PDHX: variants seen among roughly 807,000 people sequenced by gnomAD.
PDHX encodes the protein pyruvate dehydrogenase protein X component, mitochondrial.
PDHX carries 33 observed loss-of-function variants against 55.3 expected under a neutral mutation model. The observed-to-expected ratio is 0.60, with a 90% CI of 0.45 to 0.80. The LOEUF (loss-of-function observed/expected upper bound fraction) is 0.80, where lower values mean the gene tolerates loss of function less well. Among genes scored for constraint, PDHX ranks in the 30% least tolerant of loss-of-function variants. PDHX has a pLI of 0.00. For missense variants in PDHX, 622 were observed against 619.9 expected, an observed-to-expected ratio of 1.00 and a Z score of -0.04; for synonymous variants, 226 against 219.4, an observed-to-expected ratio of 1.03 and a Z score of -0.27.
At chr11:34,937,199 C>T (rs1430145624) in intron 2 of PDHX, among the ~76,000 whole-genome samples, 4 of 152,160 alleles carry the variant, frequency 2.6e-5, no homozygotes, top group African/African-American at 9.7e-5. Flanking sequence ...AAAGTAGCCT[C>T]CTTTTCCTGC....
chr11:34,929,296 T>C (rs191601054), intron 1 of PDHX, among the ~76,000 whole-genome samples: 5 of 152,322 alleles, frequency 3.3e-5, no homozygotes, highest in Admixed American at 6.5e-5. Context: ...AGTGCAGTGA[T>C]CTTGGCTCAC....
chr11:34,969,635 G>A (rs1018685614), intron 6 of PDHX, among the ~76,000 whole-genome samples: 10 of 151,996 alleles, frequency 6.6e-5, no homozygotes, highest in Admixed American at 2.6e-4. Context: ...GTGAGCCACC[G>A]TGCCCAGCCC....
At chr11:34,954,874 G>A (rs778336432) in intron 3 of PDHX, among the ~76,000 whole-genome samples, 24 of 152,148 alleles carry the variant, frequency 1.6e-4, no homozygotes, top group Non-Finnish European at 3.2e-4. Flanking sequence ...AACAAGCATG[G>A]TGAGATAAGG....
chr11:34,976,501 T>C (rs1450175558), intron 7 of PDHX, among the ~76,000 whole-genome samples: 1 of 152,194 alleles, frequency 6.6e-6, no homozygotes, highest in African/African-American at 2.4e-5. Context: ...AGAAGTTGGA[T>C]ATACAAGTCT....
intron 9 of PDHX, 139 bp downstream of exon 9, chr11:34,984,867 T>C (rs1855607262): frequency 1.6e-5 from 13 of 812,706 alleles, no homozygotes; most frequent in Non-Finnish European, 2.7e-5. Context: ...ATCAAGTGAT[T>C]GTCACATATA....
chr11:34,970,889 TTTGG>T (rs1855243743), intron 7 of PDHX, among the ~76,000 whole-genome samples: 1 of 152,312 alleles, frequency 6.6e-6, no homozygotes, highest in East Asian at 1.9e-4. Flanking sequence ...AGTACTATAA[TTTGG>T]TTGGTTAGTT....
chr11:34,967,388 A>G (rs752985296), intron 6 of PDHX, among the ~76,000 whole-genome samples: 61 of 152,354 alleles, frequency 4.0e-4, no homozygotes, highest in Middle Eastern at 3.4e-3. Context: ...AAGTTACCAC[A>G]AGTTCCACAA....
chr11:34,979,117 G>A (rs904627949), intron 8 of PDHX, among the ~76,000 whole-genome samples: 4 of 152,132 alleles, frequency 2.6e-5, no homozygotes, highest in African/African-American at 4.8e-5. Context: ...TTTGCTGATG[G>A]ATTGGATATG....
chr11:34,948,888 T>A lies in PDHX; in HGVS notation c.342+1282T>A, dbSNP rs550119913. On this transcript the variant is annotated intron_variant, in intron 3 of 10. Transcript: ENST00000227868. ...TTATGTGTGCTTTTGGCAAACTGTGTTCTTGGCCCCAATTCTGGATTGTTT... is the reference window on the plus strand; with the variant it reads ...TTATGTGTGCTTTTGGCAAACTGTGATCTTGGCCCCAATTCTGGATTGTTT... 1.4e-4 allele frequency among the ~76,000 whole-genome samples: 21 copies of A among 152,332 alleles called. No homozygotes were observed. In the South Asian group the frequency reaches 4.4e-3, roughly 32 times the overall value.
At chr11:34,923,970 G>A (rs1853959414) in intron 1 of PDHX, among the ~76,000 whole-genome samples, 1 of 152,144 alleles carries the variant, frequency 6.6e-6, no homozygotes. Context: ...TGCTGAATAA[G>A]GTAAAGGAGA....
chr11:34,935,767 A>G (rs1854294837), intron 2 of PDHX, among the ~76,000 whole-genome samples: 1 of 152,206 alleles, frequency 6.6e-6, no homozygotes, highest in African/African-American at 2.4e-5. Context: ...ATCAAGTGTT[A>G]AAAAGGGAAA....
intron 7 of PDHX, among the ~76,000 whole-genome samples, chr11:34,976,318 G>A (rs915508832): frequency 4.6e-5 from 7 of 152,108 alleles, no homozygotes; most frequent in Non-Finnish European, 1.0e-4. Context: ...GAGAATGTTT[G>A]ATATTACCTT....
intron 7 of PDHX, among the ~76,000 whole-genome samples, chr11:34,971,498 G>T (rs991480182): frequency 2.0e-5 from 3 of 152,110 alleles, no homozygotes; most frequent in Non-Finnish European, 1.5e-5. Flanking sequence ...TTTTAAACAT[G>T]AATAGATGTT....
In PDHX at chr11:34,995,055, G is replaced by A. The variant is rs767292826; in HGVS notation, c.1389G>A (p.Gln463=). The change falls in exon 11 of 11, where the codon CAG becomes CAA. Residue 463 remains glutamine, a synonymous_variant. Transcript: ENST00000227868. ...EDEEGNAKLQ[Q]RQLITVTMSS... is the part of the protein sequence containing the mutation. ...AAGAGGGAAATGCCAAACTGCAGCA[G>A]CGCCAGCTCATAACAGTCACAATGT... is the stretch of plus-strand genomic sequence containing the variant. 4 of 1,614,064 alleles carry A rather than the reference G, an allele frequency of 2.5e-6. No individual in the cohort carries two copies. Among genetic ancestry groups the A allele is most frequent in the South Asian group, 2.2e-5 (2 of 91,086 alleles).
intron 3 of PDHX, among the ~76,000 whole-genome samples, chr11:34,948,278 A>G (rs150784229): frequency 1.3e-5 from 2 of 152,192 alleles, no homozygotes; most frequent in Non-Finnish European, 2.9e-5. Flanking sequence ...TTAGTCCCCA[A>G]GTCAGTCTGT....
chr11:34,916,535 C>A (rs1427607630), upstream of PDHX: 1 of 1,475,420 alleles, frequency 6.8e-7, no homozygotes, highest in South Asian at 1.3e-5. Context: ...GGCGGGGGTT[C>A]AAGTCTGAGA....
At chr11:34,962,015 C>T (rs1855030022) in intron 5 of PDHX, among the ~76,000 whole-genome samples, 1 of 152,130 alleles carries the variant, frequency 6.6e-6, no homozygotes, top group African/African-American at 2.4e-5. Flanking sequence ...TAGTAGCACT[C>T]TCTGTAAAAA....
rs200438675 is a variant in PDHX, at chr11:34,931,398, T to C, written c.161-6T>C. The C allele has an allele frequency of 5.7e-4, 879 of 1,553,110 alleles. 1 individual carries two copies. Among genetic ancestry groups the C allele is most frequent in the Non-Finnish European group, 5.6e-4 (634 of 1,125,922 alleles). ...GTGGCTCATCTTTCCTTTTTTTCAA[T>C]TTCAGGTGATCCCATTAAGATACTA... is the stretch of plus-strand genomic sequence containing the variant. On this transcript the variant is annotated splice_region_variant and splice_polypyrimidine_tract_variant and intron_variant, in intron 1 of 10. Coordinates refer to ENST00000227868, the MANE Select transcript of PDHX (RefSeq NM_003477.3).
At chr11:34,930,358 G>A (rs950558944) in intron 1 of PDHX, among the ~76,000 whole-genome samples, 1 of 152,212 alleles carries the variant, frequency 6.6e-6, no homozygotes, top group African/African-American at 2.4e-5. Context: ...TGAAAATGCA[G>A]TACAAGTTAT....
Sources: gnomAD v4.1 joint callset for allele counts (sites outside exome capture counted in the v4.1 genomes callset) on GRCh38, gnomAD v4.1.1 for gene constraint, MANE v1.5 for transcripts, NCBI Gene and HGNC (gene_info 2026-07-23, HGNC 2026-07-21) for gene names.